The following UBE2E2 variants were observed in gnomAD, a reference collection of about 807,000 sequenced individuals.
The protein encoded by UBE2E2 is ubiquitin-conjugating enzyme E2 E2.
UBE2E2 carries 6 observed loss-of-function variants against 24.7 expected under a neutral mutation model. That is an observed-to-expected ratio of 0.24 (90% CI 0.13 to 0.48). The LOEUF is 0.48. UBE2E2 is among the 20% of genes least tolerant of loss of function. UBE2E2 has a pLI of 0.99. For synonymous variants in UBE2E2, 104 were observed against 83.6 expected (o/e 1.24, Z -1.33); for missense variants, 169 against 245.0 (o/e 0.69, Z 2.07).
chr3:23,379,625 T>C (rs1377656794), intron 3 of UBE2E2, among the ~76,000 whole-genome samples: 1 of 151,918 alleles, frequency 6.6e-6, no homozygotes, highest in Admixed American at 6.6e-5. Flanking sequence ...GTGCCACATT[T>C]TCTTAATCCA....
At chr3:23,466,978 A>G (rs1267395002) in intron 3 of UBE2E2, among the ~76,000 whole-genome samples, 3 of 152,210 alleles carry the variant, frequency 2.0e-5, no homozygotes, top group Admixed American at 6.5e-5. Flanking sequence ...TTGCAAGGTG[A>G]AAGCAAAAGA....
chr3:23,234,349 T>A (rs944259265), intron 3 of UBE2E2, among the ~76,000 whole-genome samples: 1 of 152,120 alleles, frequency 6.6e-6, no homozygotes, highest in African/African-American at 2.4e-5. Context: ...TTGGTAAATT[T>A]TGGTTGAGCA....
chr3:23,250,860 G>A (rs1376870053), intron 3 of UBE2E2, among the ~76,000 whole-genome samples: 1 of 152,052 alleles, frequency 6.6e-6, no homozygotes, highest in Non-Finnish European at 1.5e-5. Flanking sequence ...TCTGTGGCAG[G>A]AGTATTTATT....
chr3:23,333,717 C>T (rs192683453), intron 3 of UBE2E2, among the ~76,000 whole-genome samples: 2 of 151,950 alleles, frequency 1.3e-5, no homozygotes, highest in Non-Finnish European at 2.9e-5. Context: ...AGTAGTATCT[C>T]GTAGTAGTTC....
chr3:23,405,992 T>C (rs1437814169), intron 3 of UBE2E2, among the ~76,000 whole-genome samples: 1 of 152,222 alleles, frequency 6.6e-6, no homozygotes, highest in African/African-American at 2.4e-5. Flanking sequence ...CCTTTTCTAA[T>C]GACATTTTTC....
intron 3 of UBE2E2, among the ~76,000 whole-genome samples, chr3:23,322,512 T>G (rs961380663): frequency 6.6e-6 from 1 of 152,148 alleles, no homozygotes; most frequent in Non-Finnish European, 1.5e-5. Context: ...AAAAATTATT[T>G]TCTGTAAAGC....
intron 3 of UBE2E2, among the ~76,000 whole-genome samples, chr3:23,340,060 A>G (rs1029887657): frequency 1.3e-5 from 2 of 152,108 alleles, no homozygotes; most frequent in Non-Finnish European, 2.9e-5. Context: ...GCTGAAGCCT[A>G]GAAGCTTAAC....
At position 23,272,142 on chromosome 3, in the gene UBE2E2, C is replaced by T. The variant is rs569452008; in HGVS notation, c.227+54830C>T. 7.7e-3 allele frequency among the ~76,000 whole-genome samples: 1,177 copies of T among 152,274 alleles called. 12 individuals carry two copies. Among genetic ancestry groups the T allele is most frequent in the African/African-American group, 0.027 (1,109 of 41,566 alleles). On this transcript the variant is annotated intron_variant, in intron 3 of 5. Coordinates refer to ENST00000396703, the MANE Select transcript of UBE2E2 (RefSeq NM_152653.4). The stretch of plus-strand genomic sequence containing the variant: ...CCACCGCCAGGGGGCTCGGCCATGG[C>T]GGGCTGCAGGTCCCGAGCCCTGCCC...
intron 3 of UBE2E2, among the ~76,000 whole-genome samples, chr3:23,289,345 T>C (rs1251742255): frequency 6.6e-6 from 1 of 152,218 alleles, no homozygotes; most frequent in Non-Finnish European, 1.5e-5. Flanking sequence ...TTTTATACTT[T>C]AAAGTTGAGA....
intron 3 of UBE2E2, among the ~76,000 whole-genome samples, chr3:23,400,085 CA>C (rs2125370000): frequency 6.6e-6 from 1 of 152,210 alleles, no homozygotes; most frequent in East Asian, 1.9e-4. Context: ...ATATTACCGT[CA>C]TATACAAGTC....
chr3:23,230,937 G>T (rs527974210), intron 3 of UBE2E2, among the ~76,000 whole-genome samples: 7 of 152,230 alleles, frequency 4.6e-5, no homozygotes, highest in African/African-American at 1.7e-4. Context: ...GCGCTGCTCT[G>T]TTAAAGTTAG....
chr3:23,560,529 G>A (rs565343755), intron 5 of UBE2E2, among the ~76,000 whole-genome samples: 21 of 151,808 alleles, frequency 1.4e-4, no homozygotes, highest in African/African-American at 3.9e-4. Context: ...ATAAACATAC[G>A]TGTGCACGTG....
intron 3 of UBE2E2, among the ~76,000 whole-genome samples, chr3:23,455,735 G>A (rs541323852): frequency 3.3e-5 from 5 of 152,230 alleles, no homozygotes; most frequent in South Asian, 4.2e-4. Flanking sequence ...AGATCCTAAC[G>A]ATCATCTGAG....
intron 1 of UBE2E2, among the ~76,000 whole-genome samples, 155 bp from the exon 2 acceptor site, chr3:23,208,537 T>C (rs768847042): frequency 3.3e-5 from 5 of 152,216 alleles, no homozygotes; most frequent in Non-Finnish European, 7.3e-5. Context: ...AGGAAAAGTT[T>C]TAGCAACTCC....
intron 3 of UBE2E2, among the ~76,000 whole-genome samples, chr3:23,460,598 A>G (rs1698787429): frequency 6.6e-6 from 1 of 152,188 alleles, no homozygotes; most frequent in Non-Finnish European, 1.5e-5. Flanking sequence ...TAAAGTGGAA[A>G]GTTATGCATT....
chr3:23,498,115 TAG>T lies in UBE2E2; in HGVS notation c.228-1490_228-1489del, dbSNP rs141586730. 5.5e-4 allele frequency among the ~76,000 whole-genome samples: 84 copies of T among 152,318 alleles called. No homozygotes were observed. In the East Asian group the frequency reaches 0.014, roughly 26 times the overall value. On this transcript the variant is annotated intron_variant, in intron 3 of 5. Coordinates refer to ENST00000396703, the MANE Select transcript of UBE2E2 (RefSeq NM_152653.4). ...TTGGAAATGTCTATGTCTTTTTTAATAGAGTCTTTTTTTAGTTGATTCTTAGG... is the reference window on the plus strand; with the variant it reads ...TTGGAAATGTCTATGTCTTTTTTAATAGTCTTTTTTTAGTTGATTCTTAGG...
chr3:23,369,026 A>C (rs762157610), intron 3 of UBE2E2, among the ~76,000 whole-genome samples: 1 of 152,308 alleles, frequency 6.6e-6, no homozygotes, highest in South Asian at 2.1e-4. Flanking sequence ...TAGATATTTT[A>C]CTGTTTTTTA....
chr3:23,422,910 A>G (rs1295396609), intron 3 of UBE2E2, among the ~76,000 whole-genome samples: 1 of 152,166 alleles, frequency 6.6e-6, no homozygotes. Flanking sequence ...CAAGATCTAG[A>G]TCCCTGTTCA....
At chr3:23,205,601 T>G (rs1696125866) in intron 1 of UBE2E2, among the ~76,000 whole-genome samples, 1 of 152,216 alleles carries the variant, frequency 6.6e-6, no homozygotes, top group South Asian at 2.1e-4. Flanking sequence ...AAAAGAGATG[T>G]GAAAACTTTA....
Sources: gnomAD v4.1 joint callset for allele counts (sites outside exome capture counted in the v4.1 genomes callset) on GRCh38, gnomAD v4.1.1 for gene constraint, MANE v1.5 for transcripts, NCBI Gene and HGNC (gene_info 2026-07-23, HGNC 2026-07-21) for gene names.